REL: variants seen among roughly 807,000 people sequenced by gnomAD.
REL encodes REL proto-oncogene, NF-kB subunit, also known as proto-oncogene c-Rel.
A neutral mutation model predicts 45.9 loss-of-function variants in REL; 15 were observed. The ratio of observed to expected loss-of-function variants is 0.33; its 90% CI spans 0.22 to 0.50. The LOEUF (loss-of-function observed/expected upper bound fraction) is 0.50. Ranked by LOEUF, REL falls within the 20% of genes least tolerant of loss-of-function variation. REL has a pLI of 0.98. For missense variants in REL, 601 were observed against 715.2 expected (o/e 0.84, Z 1.82); for synonymous variants, 239 against 242.1 (o/e 0.99, Z 0.12).
At position 60,921,835 on chromosome 2, in the gene REL, A is replaced by C. The variant is rs373394733; in HGVS notation, c.1064A>C (p.Tyr355Ser). Residue 355 changes from tyrosine (Y) to serine (S), a missense_variant, in exon 10 of 10, where the codon TAC becomes TCC. Tyr to Ser is a moderately radical substitution (Grantham distance 144). Around this residue, in one of 4 missense-constraint regions of REL, gnomAD observed 334 missense variants for 333.1 expected, o/e 1.00. Transcript: ENST00000394479. ...GGGGTTTCAAGTCAAGCAGAATCCT[A>C]CTATCCCTCACCTGGGCCCATCTCA... ...PTGVSSQAES[Y>S]YPSPGPISSG... 3.7e-6 allele frequency: 6 copies of C among 1,614,084 alleles called. No individual in the cohort carries two copies. In the East Asian group the frequency reaches 6.7e-5, roughly 18 times the overall value.
chr2:60,886,601 T>A (rs1287830922), intron 1 of REL, among the ~76,000 whole-genome samples: 1 of 152,164 alleles, frequency 6.6e-6, no homozygotes, highest in Non-Finnish European at 1.5e-5. Context: ...GAAATGTATA[T>A]AAAGGGGTCT....
chr2:60,913,263 GCTTT>G (rs1195663429), intron 4 of REL, among the ~76,000 whole-genome samples: 1 of 151,510 alleles, frequency 6.6e-6, no homozygotes, highest in Non-Finnish European at 1.5e-5. Flanking sequence ...ATTGCCTGTT[GCTTT>G]CTTTTAAAAA....
At position 60,926,316 on chromosome 2, in the gene REL, T is replaced by A. The variant is rs1195332330; in HGVS notation, c.*3781T>A. 4.3e-6 allele frequency: 1 copy of A among 232,108 alleles called. No homozygotes were observed. Among genetic ancestry groups the A allele is most frequent in the Non-Finnish European group, 8.5e-6 (1 of 117,254 alleles). 14.4% of individuals were successfully genotyped at this position (232,108 alleles called of 1,614,324 possible). A position where few individuals can be genotyped will look rare whatever the true frequency, so the allele number is the denominator to read the frequency against. Reference sequence around the variant, plus strand: ...TTCTGAAATGCCTCCAGCCTCCATTTTCTCCCTTCCCAGTTATTCCTTAGC... The same window carrying A: ...TTCTGAAATGCCTCCAGCCTCCATTATCTCCCTTCCCAGTTATTCCTTAGC... On this transcript the variant is annotated 3_prime_UTR_variant, in exon 10 of 10. Transcript: ENST00000394479.
In REL at chr2:60,924,746, A is replaced by C. The variant is rs1355247501; in HGVS notation, c.*2211A>C. The C allele has an allele frequency of 4.8e-6, 1 of 209,044 alleles. No individual in the cohort carries two copies. Among genetic ancestry groups the C allele is most frequent in the African/African-American group, 2.3e-5 (1 of 44,050 alleles). 12.9% of individuals were successfully genotyped at this position (209,044 alleles called of 1,614,324 possible). On this transcript the variant is annotated 3_prime_UTR_variant, in exon 10 of 10. Transcript: ENST00000394479. ...TAACACATTTCCTTTTCAAAGTGCA[A>C]GATTTTTAAAAGAGACTTGTCACAT... is the stretch of plus-strand genomic sequence containing the variant.
Position 60,922,408 on chromosome 2 carries a change from C to A in REL, c.1637C>A (p.Ser546Ter). The A allele has an allele frequency of 1.2e-6, 2 of 1,613,894 alleles. No individual in the cohort carries two copies. Among genetic ancestry groups the A allele is most frequent in the South Asian group, 2.2e-5 (2 of 91,024 alleles). The change falls in exon 10 of 10, where the codon TCG becomes TAG. Residue 546 changes from serine to a stop codon, truncating the protein, a stop_gained. Coordinates refer to ENST00000394479, the MANE Select transcript of REL (RefSeq NM_001291746.2). LOFTEE classifies it high-confidence loss of function. ...GCAGATAACAGCATGATAAATGAGTCGGGACCATCAAACAGTACTAATCCA... is the reference window on the plus strand; with the variant it reads ...GCAGATAACAGCATGATAAATGAGTAGGGACCATCAAACAGTACTAATCCA... ...SCADNSMINESGPSNSTNPNS... is the reference protein window; with the variant it reads ...SCADNSMINE
In REL at chr2:60,898,098, T is replaced by C. The variant is rs570933570; in HGVS notation, c.303-2894T>C. On this transcript the variant is annotated intron_variant, in intron 3 of 9. Transcript: ENST00000394479. Reference sequence around the variant, plus strand: ...ATCTATCCACTTCACTCAGTGAAATTCATCACCGTCATACTACCACTATAG... The same window carrying C: ...ATCTATCCACTTCACTCAGTGAAATCCATCACCGTCATACTACCACTATAG... Among the ~76,000 whole-genome samples, 9 of 152,286 alleles carry C rather than the reference T, an allele frequency of 5.9e-5. 1 individual carries two copies. Among genetic ancestry groups the C allele is most frequent in the Middle Eastern group, 3.4e-3 (1 of 294 alleles).
intron 3 of REL, among the ~76,000 whole-genome samples, chr2:60,898,507 C>T (rs746507569): frequency 4.6e-5 from 7 of 152,184 alleles, no homozygotes; most frequent in Non-Finnish European, 1.0e-4. Flanking sequence ...AGCATAGGCT[C>T]CCATAACATC....
At chr2:60,912,782 A>G (rs1393709695) in intron 4 of REL, among the ~76,000 whole-genome samples, 1 of 152,182 alleles carries the variant, frequency 6.6e-6, no homozygotes, top group Non-Finnish European at 1.5e-5. Flanking sequence ...TTGAGAGCCC[A>G]GAAACAGAGC....
In REL at chr2:60,929,852, A is replaced by C. The variant is rs1013813262; in HGVS notation, c.*7317A>C. On this transcript the variant is annotated 3_prime_UTR_variant, in exon 10 of 10. Coordinates refer to ENST00000394479, the MANE Select transcript of REL (RefSeq NM_001291746.2). ...AAATAAATAAATAAATAAGAAAAAG[A>C]AAGCCAGGCATGGTGACATGTGCCT... The C allele has an allele frequency of 4.6e-5, 7 of 151,780 alleles. No homozygotes were observed. Among genetic ancestry groups the C allele is most frequent in the African/African-American group, 1.7e-4 (7 of 41,176 alleles). The allele number at this position is 151,780 out of a possible 1,614,324, so 9.4% of individuals were successfully genotyped here.
chr2:60,895,596 A>T (rs1406202059), intron 3 of REL, among the ~76,000 whole-genome samples: 2 of 152,254 alleles, frequency 1.3e-5, no homozygotes, highest in Admixed American at 1.3e-4. Context: ...TAGTTCTAAG[A>T]TAAAAATAGT....
rs750181088 is a variant in REL at position 60,922,252 on chromosome 2, C to T, written c.1481C>T (p.Ser494Leu). 1.9e-6 allele frequency: 3 copies of T among 1,614,154 alleles called. No homozygotes were observed. The East Asian group carries it at 6.7e-5, about 36-fold the overall frequency. The change falls in exon 10 of 10, where the codon TCA becomes TTA. Residue 494 changes from serine to leucine, a missense_variant. Around this residue, in one of 4 missense-constraint regions of REL, gnomAD observed 334 missense variants for 333.1 expected, o/e 1.00. Transcript: ENST00000394479. The part of the protein sequence containing the change: ...SMNLENPSCN[S>L]VLDPRDLRQL... ...AATCTTGAAAACCCCTCATGTAATT[C>T]AGTGTTAGACCCAAGAGACTTGAGA...
At chr2:60,891,491 C>T (rs993601054) in intron 1 of REL, among the ~76,000 whole-genome samples, 192 bp from the exon 2 acceptor site, 1 of 151,902 alleles carries the variant, frequency 6.6e-6, no homozygotes, top group Admixed American at 6.6e-5. Flanking sequence ...TACATAGGGA[C>T]TCAATTTGAA....
chr2:60,901,148 C>CCCT lies in REL; in HGVS notation c.394+65_394+66insCCT, dbSNP rs755936187. ...GTTGATTTCTGTTTCTTTTTTCTTT[C>CCCT]TCTTTTTTTTTTTTTTTTTTTTTTT... On this transcript the variant is annotated intron_variant, in intron 4 of 9. Transcript: ENST00000394479. The CCCT allele has an allele frequency of 4.6e-4, 389 of 849,176 alleles. 8 individuals are homozygous for CCCT. Among genetic ancestry groups the CCCT allele is most frequent in the Admixed American group, 6.0e-4 (9 of 15,002 alleles). The allele number at this position is 849,176 out of a possible 1,614,324, so 52.6% of individuals were successfully genotyped here.
chr2:60,910,293 G>A (rs1349283642), intron 4 of REL, among the ~76,000 whole-genome samples: 3 of 151,490 alleles, frequency 2.0e-5, no homozygotes, highest in East Asian at 1.9e-4. Flanking sequence ...GTGAAACTCC[G>A]TCTCTACTAA....
At position 60,888,690 on chromosome 2, in the gene REL, AG is replaced by A. The variant is rs1027907917; in HGVS notation, c.11-2990del. Among the ~76,000 whole-genome samples the A allele has an allele frequency of 1.3e-4, 20 of 152,318 alleles. No homozygotes were observed. In the East Asian group the frequency reaches 2.1e-3, roughly 16 times the overall value. On this transcript the variant is annotated intron_variant, in intron 1 of 9. Transcript: ENST00000394479. The stretch of plus-strand genomic sequence containing the variant: ...ACAAATAGGTAGTAGATTCAAACAC[AG>A]GGAGTTTACACCATACAGAATAAAA...
rs773764180 is a variant in REL at position 60,918,543 on chromosome 2, C to T, written c.790C>T (p.Arg264Trp). The stretch of plus-strand genomic sequence containing the variant: ...ACCCGTAACAGTAAAAATGCAGTTG[C>T]GGAGACCTTCTGACCAGGAAGTTAG... Reference protein sequence around the residue: ...TEPVTVKMQLRRPSDQEVSES... With the variant: ...TEPVTVKMQLWRPSDQEVSES... Residue 264 changes from arginine (R) to tryptophan (W), a missense_variant, in exon 7 of 10, where the codon CGG becomes TGG. By Grantham distance (101) the Arg-to-Trp change is moderately radical (BLOSUM62 -3). Transcript: ENST00000394479. 15 of 1,613,862 alleles carry T rather than the reference C, an allele frequency of 9.3e-6. No individual in the cohort carries two copies. Among genetic ancestry groups the T allele is most frequent in the African/African-American group, 5.3e-5 (4 of 74,866 alleles).
intron 1 of REL, among the ~76,000 whole-genome samples, chr2:60,890,748 C>T (rs1454689301): frequency 2.0e-5 from 3 of 152,162 alleles, no homozygotes; most frequent in African/African-American, 7.2e-5. Flanking sequence ...CATATGTATA[C>T]AACCCTGGAA....
intron 3 of REL, among the ~76,000 whole-genome samples, chr2:60,895,567 T>C (rs181246578): frequency 6.6e-6 from 1 of 152,326 alleles, no homozygotes; most frequent in East Asian, 1.9e-4. Context: ...TGGCAGGTTA[T>C]AGAATTAACA....
intron 1 of REL, among the ~76,000 whole-genome samples, chr2:60,884,550 T>C (rs1371299335): frequency 6.6e-6 from 1 of 152,048 alleles, no homozygotes; most frequent in African/African-American, 2.4e-5. Context: ...TAGGCAGTTG[T>C]TGCTTTTGTA....
Sources: gnomAD v4.1 joint callset for allele counts (sites outside exome capture counted in the v4.1 genomes callset) on GRCh38, gnomAD v4.1.1 for gene constraint, gnomAD v4.1.1 regional missense constraint, MANE v1.5 for transcripts, NCBI Gene and HGNC (gene_info 2026-07-23, HGNC 2026-07-21) for gene names.